Variants in UNC13C observed in about 807,000 individuals in gnomAD.
UNC13C encodes protein unc-13 homolog C.
A neutral mutation model predicts 245.4 loss-of-function variants in UNC13C; 174 were observed. The ratio of observed to expected loss-of-function variants is 0.71; its 90% confidence interval spans 0.63 to 0.80. The LOEUF (loss-of-function observed/expected upper bound fraction) is 0.80. Among genes scored for constraint, UNC13C ranks in the 30% least tolerant of loss-of-function variants. UNC13C has a pLI of 0.00. For missense variants in UNC13C, 2,829 were observed against 2,602.9 expected (o/e 1.09, Z -1.89); for synonymous variants, 992 against 895.1 (o/e 1.11, Z -1.93).
At chr15:54,049,340 C>T (rs1897175939) in intron 2 of UNC13C, 2 of 511,126 alleles carry the variant, frequency 3.9e-6, no homozygotes, top group Non-Finnish European at 7.8e-6. Flanking sequence ...ATACTACTAA[C>T]ATCTACAAGA....
the UNC13C span, among the ~76,000 whole-genome samples, chr15:53,856,243 G>A: frequency 6.6e-6 from 1 of 151,792 alleles, no homozygotes; most frequent in Admixed American, 6.6e-5. Context: ...AACAGCTCCT[G>A]GATTTGTTGA....
the UNC13C span, among the ~76,000 whole-genome samples, chr15:53,933,287 T>C: frequency 6.6e-6 from 1 of 152,158 alleles, no homozygotes; most frequent in Non-Finnish European, 1.5e-5. Flanking sequence ...AATTTAGCAG[T>C]TGTCTTCAAA....
intron 1 of UNC13C, among the ~76,000 whole-genome samples, chr15:53,989,276 A>G (rs1400505500): frequency 2.0e-5 from 3 of 151,994 alleles, no homozygotes; most frequent in East Asian, 1.9e-4. Context: ...TGCAACCTCA[A>G]TTACAGTCCT....
At chr15:53,973,169 G>A in the UNC13C span, among the ~76,000 whole-genome samples, 1 of 152,050 alleles carries the variant, frequency 6.6e-6, no homozygotes, top group African/African-American at 2.4e-5. Flanking sequence ...TCAAAGAATG[G>A]CTCTTTGGTA....
the UNC13C span, among the ~76,000 whole-genome samples, chr15:53,898,210 CATCATCAT>C: frequency 6.6e-6 from 1 of 151,852 alleles, no homozygotes; most frequent in Admixed American, 6.6e-5. Flanking sequence ...CCACCACCAT[CATCATCAT>C]CATCATCATC....
At chr15:54,549,945 T>C (rs560583063) in intron 28 of UNC13C, among the ~76,000 whole-genome samples, 1 of 152,284 alleles carries the variant, frequency 6.6e-6, no homozygotes, top group Admixed American at 6.5e-5. Context: ...AATGGAACAC[T>C]GCATAGAAAT....
At chr15:54,174,689 A>G (rs1323447791) in intron 4 of UNC13C, among the ~76,000 whole-genome samples, 2 of 152,334 alleles carry the variant, frequency 1.3e-5, no homozygotes, top group East Asian at 1.9e-4. Flanking sequence ...AGCCTGGACC[A>G]TATAATAACT....
intron 25 of UNC13C, 95 bp downstream of exon 25, chr15:54,525,732 T>G: frequency 9.9e-7 from 1 of 1,013,572 alleles, no homozygotes; most frequent in Non-Finnish European, 1.5e-6. Flanking sequence ...ACTGACTAAA[T>G]CTACTTAACT....
At chr15:54,274,703 G>T (rs552788114) in intron 10 of UNC13C, among the ~76,000 whole-genome samples, 3 of 124,982 alleles carry the variant, frequency 2.4e-5, no homozygotes, top group African/African-American at 3.2e-5. Flanking sequence ...ACGGAGTCTC[G>T]CTCTGTCGCC....
chr15:54,335,565 C>G (rs1191355187), intron 16 of UNC13C, among the ~76,000 whole-genome samples: 1 of 152,110 alleles, frequency 6.6e-6, no homozygotes, highest in Non-Finnish European at 1.5e-5. Context: ...CAACCCTTCT[C>G]CCACATGCTG....
intron 16 of UNC13C, among the ~76,000 whole-genome samples, chr15:54,335,717 G>T (rs2038556567): frequency 6.6e-6 from 1 of 152,140 alleles, no homozygotes. Flanking sequence ...AATTGCTAAG[G>T]AGTAATTCTT....
the UNC13C span, chr15:53,968,188 A>G: frequency 2.0e-5 from 3 of 152,198 alleles, no homozygotes; most frequent in Non-Finnish European, 4.4e-5. Context: ...CTCAATGATT[A>G]TCAAAAGCAT....
chr15:53,885,052 A>C, the UNC13C span, among the ~76,000 whole-genome samples: 3 of 152,252 alleles, frequency 2.0e-5, no homozygotes, highest in East Asian at 5.8e-4. Flanking sequence ...TCACACAAAG[A>C]GTGGATCTTA....
At chr15:54,531,181 G>A (rs1212923216) in intron 25 of UNC13C, among the ~76,000 whole-genome samples, 4 of 152,114 alleles carry the variant, frequency 2.6e-5, no homozygotes, top group African/African-American at 9.7e-5. Flanking sequence ...ATAGTCTGGA[G>A]TTTGGGTTAG....
chr15:54,549,769 A>G (rs2141181928), intron 28 of UNC13C, 78 bp downstream of exon 28: 2 of 869,490 alleles, frequency 2.3e-6, no homozygotes, highest in Non-Finnish European at 1.8e-6. Flanking sequence ...TCCTCCTAGT[A>G]ATAGTATCTA....
intron 30 of UNC13C, among the ~76,000 whole-genome samples, chr15:54,604,516 C>T (rs1452630445): frequency 6.6e-6 from 1 of 152,112 alleles, no homozygotes; most frequent in Non-Finnish European, 1.5e-5. Flanking sequence ...TACCTCTTTC[C>T]TCAAGGGGCT....
rs1483872106 is a variant in UNC13C, at chr15:54,627,425, C to CCAT, written c.*315_*317dup. The stretch of plus-strand genomic sequence containing the variant: ...TTAAAAACTAGTCTTTTGAGTTTGC[C>CCAT]CATCAGTTGTCTTTGTTAAATGAGA... On this transcript the variant is annotated 3_prime_UTR_variant, in exon 33 of 33. Transcript: ENST00000260323. 1 of 200,536 alleles carries CCAT rather than the reference C, an allele frequency of 5.0e-6. No homozygotes were observed. The highest frequency in any genetic ancestry group is 2.3e-5 in the African/African-American group (1 of 43,060). The allele number at this position is 200,536 out of a possible 1,614,324, so 12.4% of individuals were successfully genotyped here. A position where few individuals can be genotyped will look rare whatever the true frequency, so the allele number is the denominator to read the frequency against.
At chr15:54,038,118 A>ATCTTT (rs1297641805) in intron 2 of UNC13C, among the ~76,000 whole-genome samples, 1 of 28,800 alleles carries the variant, frequency 3.5e-5, no homozygotes, top group Non-Finnish European at 6.3e-5. Context: ...ATATATATAT[A>ATCTTT]TATATATTTT....
At position 54,415,041 on chromosome 15, in the gene UNC13C, C is replaced by T. The variant is rs1217137491; in HGVS notation, c.4907C>T (p.Ala1636Val). Residue 1636 changes from alanine (A) to valine (V), a missense_variant, in exon 19 of 33, where the codon GCT becomes GTT. Physicochemically the swap from Ala to Val is moderately conservative, Grantham distance 64 (BLOSUM62 0). Transcript: ENST00000260323. ...ISAEIMWTLF[A>V]LDMKYALEEH... ...GCCGAAATTATGTGGACTCTTTTTGCTCTGGATATGAAATATGCATTAGAA... is the reference window on the plus strand; with the variant it reads ...GCCGAAATTATGTGGACTCTTTTTGTTCTGGATATGAAATATGCATTAGAA... 4 of 1,611,736 alleles carry T rather than the reference C, an allele frequency of 2.5e-6. No individual in the cohort carries two copies. The highest frequency in any genetic ancestry group is 3.4e-6 in the Non-Finnish European group (4 of 1,178,878).
Sources: allele counts gnomAD v4.1 joint callset (sites outside exome capture counted in the v4.1 genomes callset), GRCh38; gene constraint gnomAD v4.1.1; transcripts MANE v1.5; gene names NCBI Gene and HGNC (gene_info 2026-07-23, HGNC 2026-07-21).